Variants in CLK3 observed in about 807,000 individuals in gnomAD.
The protein encoded by CLK3 is dual specificity protein kinase CLK3.
In CLK3, 24 loss-of-function variants were observed where a neutral mutation model predicts 65.2. The ratio of observed to expected loss-of-function variants is 0.37; its 90% CI spans 0.27 to 0.52. CLK3 has a LOEUF of 0.52. Among genes scored for constraint, CLK3 ranks in the 20% least tolerant of loss-of-function variants. CLK3 has a pLI of 0.92. For synonymous variants in CLK3, 252 were observed against 240.8 expected, an observed-to-expected ratio of 1.05 and a Z score of -0.43; for missense variants, 506 against 660.0, an observed-to-expected ratio of 0.77 and a Z score of 2.56.
intron 7 of CLK3, chr15:74,626,925 T>C: frequency 2.2e-6 from 1 of 454,000 alleles, no homozygotes; most frequent in Non-Finnish European, 4.4e-6. Flanking sequence ...TTTAATGTCC[T>C]TTTGCCACCA....
At chr15:74,626,576 G>A (rs1401268669) in intron 7 of CLK3, among the ~76,000 whole-genome samples, 1 of 152,244 alleles carries the variant, frequency 6.6e-6, no homozygotes, top group African/African-American at 2.4e-5. Context: ...ACATGGATGA[G>A]AAGACAGGTG....
At chr15:74,625,594 T>C (rs1159316913) in intron 6 of CLK3, among the ~76,000 whole-genome samples, 1 of 152,068 alleles carries the variant, frequency 6.6e-6, no homozygotes, top group Non-Finnish European at 1.5e-5. Context: ...GCAGGAAGCT[T>C]AGTCCTTGCC....
intron 1 of CLK3, among the ~76,000 whole-genome samples, chr15:74,618,491 G>A (rs905863031): frequency 1.2e-4 from 19 of 152,208 alleles, no homozygotes; most frequent in Non-Finnish European, 1.9e-4. Context: ...GGCACTGTGG[G>A]GGTCTAAAAG....
intron 10 of CLK3, 115 bp from the exon 11 acceptor site, chr15:74,628,489 A>G: frequency 1.5e-6 from 1 of 686,238 alleles, no homozygotes; most frequent in South Asian, 2.0e-5. Flanking sequence ...CTTCATTGGT[A>G]GGTTTGCATG....
chr15:74,626,807 A>G (rs1473416791), intron 7 of CLK3, among the ~76,000 whole-genome samples: 1 of 152,152 alleles, frequency 6.6e-6, no homozygotes, highest in East Asian at 1.9e-4. Flanking sequence ...CACTGTCAGA[A>G]GGGGCTGGAG....
Position 74,627,887 on chromosome 15 carries a change from A to C in CLK3, c.1043-83A>C. On this transcript the variant is annotated intron_variant, in intron 9 of 12. Coordinates refer to ENST00000395066, the MANE Select transcript of CLK3 (RefSeq NM_001130028.2). The surrounding 1 kb of genome is among the most constrained non-coding windows in gnomAD (Gnocchi z 4.3). ...CTGGGATTTGGGCAAGAGTCCTGCC[A>C]GCCGGTGTGGTGGCTGCCTTGTGAC... 7.9e-7 allele frequency: 1 copy of C among 1,259,474 alleles called. No individual in the cohort carries two copies. Among genetic ancestry groups the C allele is most frequent in the African/African-American group, 1.5e-5 (1 of 67,962 alleles). The allele number at this position is 1,259,474 out of a possible 1,614,324, so 78.0% of individuals were successfully genotyped here.
intron 1 of CLK3, among the ~76,000 whole-genome samples, chr15:74,609,336 A>G (rs2061955573): frequency 6.6e-6 from 1 of 152,220 alleles, no homozygotes. Context: ...GCCTGGCTGC[A>G]CACTAGCAGG....
At chr15:74,626,208 G>A (rs1181779955) in intron 7 of CLK3, among the ~76,000 whole-genome samples, 1 of 152,188 alleles carries the variant, frequency 6.6e-6, no homozygotes, top group East Asian at 1.9e-4. Context: ...AGGCACTCAG[G>A]AAGAAAACAG....
chr15:74,629,795 C>T lies in CLK3; in HGVS notation c.1385C>T (p.Thr462Ile), dbSNP rs1445663396. The change falls in exon 13 of 13, where the codon ACA becomes ATA. Residue 462 changes from threonine (T) to isoleucine (I), a missense_variant. Thr to Ile is a moderately conservative substitution (Grantham distance 89). Around this residue, in one of 2 missense-constraint regions of CLK3, gnomAD observed 325 missense variants for 500.5 expected, o/e 0.65. Transcript: ENST00000395066. Reference protein sequence around the residue: ...MLEFDPAQRITLAEALLHPFF... With the variant: ...MLEFDPAQRIILAEALLHPFF... Reference sequence around the variant, plus strand: ...GAATTTGACCCTGCCCAGCGCATCACACTGGCCGAGGCCCTGCTGCACCCC... The same window carrying T: ...GAATTTGACCCTGCCCAGCGCATCATACTGGCCGAGGCCCTGCTGCACCCC... 1 of 1,613,508 alleles carries T rather than the reference C, an allele frequency of 6.2e-7. No individual in the cohort carries two copies. The highest frequency in any genetic ancestry group is 8.5e-7 in the Non-Finnish European group (1 of 1,179,760).
At chr15:74,623,168 T>G (rs1264854549) in intron 5 of CLK3, among the ~76,000 whole-genome samples, 1 of 152,196 alleles carries the variant, frequency 6.6e-6, no homozygotes, top group Non-Finnish European at 1.5e-5. Context: ...AACAGTACAA[T>G]AGTTTTTTCC....
intron 10 of CLK3, 53 bp downstream of exon 10, chr15:74,628,105 C>T: frequency 1.6e-6 from 2 of 1,239,360 alleles, no homozygotes; most frequent in Non-Finnish European, 2.4e-6. Flanking sequence ...CTGTGATAGG[C>T]TGCAGGCCAC....
chr15:74,622,073 C>G lies in CLK3; in HGVS notation c.370-47C>G. The G allele has an allele frequency of 6.4e-7, 1 of 1,565,870 alleles. No individual in the cohort carries two copies. Among genetic ancestry groups the G allele is most frequent in the East Asian group, 2.2e-5 (1 of 44,630 alleles). On this transcript the variant is annotated intron_variant, in intron 3 of 12. Transcript: ENST00000395066. This position sits in a 1 kb window ranked among gnomAD's most constrained non-coding sequence, Gnocchi z 4.6. ...ACCTCAATCTGTCAATCGGAACCGC[C>G]TACCATGCGATTGGTCGGATGGCGT...
In CLK3 at chr15:74,624,661, C is replaced by A; in HGVS notation, c.534-241C>A. 1 of 566,562 alleles carries A rather than the reference C, an allele frequency of 1.8e-6. No homozygotes were observed. Among genetic ancestry groups the A allele is most frequent in the South Asian group, 2.1e-5 (1 of 46,968 alleles). The allele number at this position is 566,562 out of a possible 1,614,324, so 35.1% of individuals were successfully genotyped here. ...TTTGGGAGCTGGCAGTGGCTGAGAACATAAAAGCCTAAGGATGGCAAGGAT... is the reference window on the plus strand; with the variant it reads ...TTTGGGAGCTGGCAGTGGCTGAGAAAATAAAAGCCTAAGGATGGCAAGGAT... On this transcript the variant is annotated intron_variant, in intron 5 of 12. Transcript: ENST00000395066. This position sits in a 1 kb window ranked among gnomAD's most constrained non-coding sequence, Gnocchi z 4.2.
At position 74,624,658 on chromosome 15, in the gene CLK3, G is replaced by A; in HGVS notation, c.534-244G>A. On this transcript the variant is annotated intron_variant, in intron 5 of 12. Transcript: ENST00000395066. This position sits in a 1 kb window ranked among gnomAD's most constrained non-coding sequence, Gnocchi z 4.2. ...TCCTTTGGGAGCTGGCAGTGGCTGA[G>A]AACATAAAAGCCTAAGGATGGCAAG... The A allele has an allele frequency of 1.8e-6, 1 of 563,344 alleles. No individual in the cohort carries two copies. Among genetic ancestry groups the A allele is most frequent in the Non-Finnish European group, 3.2e-6 (1 of 312,952 alleles). 34.9% of individuals were successfully genotyped at this position (563,344 alleles called of 1,614,324 possible).
chr15:74,616,339 G>C (rs1261649861), intron 1 of CLK3, among the ~76,000 whole-genome samples: 1 of 152,248 alleles, frequency 6.6e-6, no homozygotes, highest in Admixed American at 6.5e-5. Flanking sequence ...TCCCCTCGGC[G>C]CCACTGGTGG....
Position 74,621,858 on chromosome 15 carries a change from C to T in CLK3, c.370-262C>T. The T allele has an allele frequency of 2.1e-6, 1 of 471,760 alleles. No individual in the cohort carries two copies. The highest frequency in any genetic ancestry group is 1.8e-5 in the South Asian group (1 of 54,148). 29.2% of individuals were successfully genotyped at this position (471,760 alleles called of 1,614,324 possible). ...GTGGCGCTCCTCTTAAAGATAATGT[C>T]CGAGTTTTCTTTACATACCTGTAGC... On this transcript the variant is annotated intron_variant, in intron 3 of 12. Transcript: ENST00000395066. This position sits in a 1 kb window ranked among gnomAD's most constrained non-coding sequence, Gnocchi z 4.8.
Position 74,627,955 on chromosome 15 carries a change from C to T in CLK3, c.1043-15C>T. On this transcript the variant is annotated splice_polypyrimidine_tract_variant and intron_variant, in intron 9 of 12. Transcript: ENST00000395066. This position sits in a 1 kb window ranked among gnomAD's most constrained non-coding sequence, Gnocchi z 4.3. ...AAGGCCGGATCTCACAGCCTCTCCCCATCTTGGCTTGCAGAGCTGGGCTGG... is the reference window on the plus strand; with the variant it reads ...AAGGCCGGATCTCACAGCCTCTCCCTATCTTGGCTTGCAGAGCTGGGCTGG... The T allele has an allele frequency of 6.3e-7, 1 of 1,598,992 alleles. No individual in the cohort carries two copies.
Position 74,627,172 on chromosome 15 carries a change from A to G in CLK3, c.818-180A>G. On this transcript the variant is annotated intron_variant, in intron 7 of 12. Transcript: ENST00000395066. This position sits in a 1 kb window ranked among gnomAD's most constrained non-coding sequence, Gnocchi z 4.3. ...AGTATCAGAACCCTCCAAGGCCTCAAGTACAGAGAACCCTTGAGAGGGAGG... is the reference window on the plus strand; with the variant it reads ...AGTATCAGAACCCTCCAAGGCCTCAGGTACAGAGAACCCTTGAGAGGGAGG... The G allele has an allele frequency of 1.4e-6, 1 of 721,328 alleles. No individual in the cohort carries two copies. Among genetic ancestry groups the G allele is most frequent in the South Asian group, 1.4e-5 (1 of 69,288 alleles). The allele number at this position is 721,328 out of a possible 1,614,324, so 44.7% of individuals were successfully genotyped here. A position where few individuals can be genotyped will look rare whatever the true frequency, so the allele number is the denominator to read the frequency against.
intron 1 of CLK3, among the ~76,000 whole-genome samples, chr15:74,616,487 C>T (rs2062060963): frequency 6.6e-6 from 1 of 152,240 alleles, no homozygotes; most frequent in African/African-American, 2.4e-5. Flanking sequence ...CTAGGCCAAG[C>T]TGACAGTTCA....
Sources: gnomAD v4.1 joint callset for allele counts (sites outside exome capture counted in the v4.1 genomes callset) on GRCh38, gnomAD v4.1.1 for gene constraint, gnomAD v4.1.1 regional missense constraint, Gnocchi (gnomAD v3.1) non-coding constraint, MANE v1.5 for transcripts, NCBI Gene and HGNC (gene_info 2026-07-23, HGNC 2026-07-21) for gene names.